The following PAWR variants were observed in gnomAD, a reference collection of about 807,000 sequenced individuals.
The protein encoded by PAWR is pro-apoptotic WT1 regulator, also known as PRKC apoptosis WT1 regulator protein.
Under a neutral mutation model 32.0 loss-of-function variants are expected in PAWR, and 23 were observed. That is an observed-to-expected ratio of 0.72 (90% CI 0.52 to 1.02). The LOEUF (loss-of-function observed/expected upper bound fraction) is 1.02, where lower values mean the gene tolerates loss of function less well. Ranked by LOEUF, PAWR falls within the 50% of genes least tolerant of loss-of-function variation. The pLI is 0.00. For synonymous variants in PAWR, 226 were observed against 187.1 expected, an observed-to-expected ratio of 1.21 and a Z score of -1.70; for missense variants, 457 against 437.7, an observed-to-expected ratio of 1.04 and a Z score of -0.39.
At chr12:79,675,537 T>C (rs1878122181) in intron 2 of PAWR, among the ~76,000 whole-genome samples, 1 of 152,096 alleles carries the variant, frequency 6.6e-6, no homozygotes, top group Non-Finnish European at 1.5e-5. Flanking sequence ...ATAAACACCA[T>C]GGAATCCTAC....
chr12:79,620,624 A>AG (rs2136714740), intron 3 of PAWR, among the ~76,000 whole-genome samples: 1 of 152,334 alleles, frequency 6.6e-6, no homozygotes, highest in South Asian at 2.1e-4. Context: ...AGGGTGGCTC[A>AG]GAAAAGGGTG....
intron 3 of PAWR, among the ~76,000 whole-genome samples, chr12:79,616,604 C>T (rs1467652218): frequency 1.3e-5 from 2 of 152,120 alleles, no homozygotes; most frequent in Non-Finnish European, 2.9e-5. Context: ...TAATTTCACA[C>T]TTTGACCCAA....
At chr12:79,679,811 A>G (rs1878353131) in intron 2 of PAWR, among the ~76,000 whole-genome samples, 1 of 152,214 alleles carries the variant, frequency 6.6e-6, no homozygotes, top group South Asian at 2.1e-4. Flanking sequence ...TTCCAGCTCA[A>G]AACATCCAGT....
At chr12:79,656,185 A>G (rs10862007) in intron 2 of PAWR, among the ~76,000 whole-genome samples, 29,956 of 152,162 alleles carry the variant, frequency 0.2, 7,815 homozygotes, top group African/African-American at 0.6. Context: ...AAACCACCTT[A>G]AATATATTTT....
intron 2 of PAWR, among the ~76,000 whole-genome samples, chr12:79,679,161 A>G (rs2136876135): frequency 6.6e-6 from 1 of 152,310 alleles, no homozygotes; most frequent in African/African-American, 2.4e-5. Context: ...TCCCTGAAAG[A>G]TTAGAAGTTC....
intron 2 of PAWR, among the ~76,000 whole-genome samples, chr12:79,683,659 A>T (rs536150760): frequency 6.6e-6 from 1 of 151,466 alleles, no homozygotes; most frequent in African/African-American, 2.4e-5. Context: ...TAGATGACAG[A>T]GCTTTGCAGA....
At chr12:79,642,614 T>C (rs1483648790) in intron 2 of PAWR, among the ~76,000 whole-genome samples, 1 of 152,104 alleles carries the variant, frequency 6.6e-6, no homozygotes, top group Non-Finnish European at 1.5e-5. Context: ...CTCCCCCTCC[T>C]AGTAAGAACA....
chr12:79,630,452 A>AC (rs1200091917), intron 2 of PAWR, among the ~76,000 whole-genome samples: 2 of 152,048 alleles, frequency 1.3e-5, no homozygotes, highest in Admixed American at 1.3e-4. Flanking sequence ...GGTGAGCACC[A>AC]CTGCACTTGG....
In PAWR at chr12:79,639,982, G is replaced by A. The variant is rs73343693; in HGVS notation, c.517-18775C>T. ...TGCAGTGGCATGATCTCATCTAAGCGCAACCACCACCTCCTGGGTTCAAGT... is the reference window on the plus strand; with the variant it reads ...TGCAGTGGCATGATCTCATCTAAGCACAACCACCACCTCCTGGGTTCAAGT... On this transcript the variant is annotated intron_variant, in intron 2 of 6. Transcript: ENST00000328827. 9.7e-3 allele frequency among the ~76,000 whole-genome samples: 1,449 copies of A among 149,820 alleles called. 35 individuals are homozygous for A. The highest frequency in any genetic ancestry group is 0.034 in the African/African-American group (1,360 of 39,578).
intron 5 of PAWR, 21 bp from the exon 6 acceptor site, chr12:79,594,454 C>T (rs1242751771): frequency 8.8e-7 from 1 of 1,131,850 alleles, no homozygotes; most frequent in Non-Finnish European, 1.3e-6. Flanking sequence ...CAATTAAAAA[C>T]CAGTAATTAG....
chr12:79,585,449 A>G lies in PAWR; in HGVS notation c.*7158T>C. On this transcript the variant is annotated 3_prime_UTR_variant, in exon 7 of 7. Coordinates refer to ENST00000328827, the MANE Select transcript of PAWR (RefSeq NM_002583.4). ...TTAAGAACCACTGGCAAAACATTTA[A>G]TAAGACAATTCCATGATAAAAGTAT... 1 of 191,566 alleles carries G rather than the reference A, an allele frequency of 5.2e-6. No homozygotes were observed. The highest frequency in any genetic ancestry group is 9.2e-5 in the South Asian group (1 of 10,898). 11.9% of individuals were successfully genotyped at this position (191,566 alleles called of 1,614,324 possible).
At chr12:79,684,810 A>G (rs1406243401) in intron 2 of PAWR, among the ~76,000 whole-genome samples, 1 of 152,220 alleles carries the variant, frequency 6.6e-6, no homozygotes. Flanking sequence ...ATATACTAAC[A>G]ATTTAACACT....
chr12:79,644,212 G>A (rs977726058), intron 2 of PAWR, among the ~76,000 whole-genome samples: 1 of 151,992 alleles, frequency 6.6e-6, no homozygotes, highest in Admixed American at 6.6e-5. Context: ...TCTCATTTCA[G>A]GAGGACAGAA....
intron 2 of PAWR, among the ~76,000 whole-genome samples, chr12:79,671,045 G>A (rs922230538): frequency 1.3e-4 from 20 of 149,366 alleles, no homozygotes; most frequent in African/African-American, 4.7e-4. Flanking sequence ...TCCCAGCTAC[G>A]CTGGAGGCTG....
intron 2 of PAWR, among the ~76,000 whole-genome samples, chr12:79,667,036 G>T (rs1877641652): frequency 6.6e-6 from 1 of 152,164 alleles, no homozygotes; most frequent in South Asian, 2.1e-4. Context: ...TGCCTTTCTG[G>T]ATGGAACCAA....
At chr12:79,600,026 G>T (rs190665997) in intron 4 of PAWR, among the ~76,000 whole-genome samples, 124 of 152,194 alleles carry the variant, frequency 8.1e-4, no homozygotes, top group Admixed American at 2.6e-3. Flanking sequence ...ATTAAATTTT[G>T]ATCATTTTAT....
At chr12:79,626,518 C>T (rs1423582201) in intron 2 of PAWR, among the ~76,000 whole-genome samples, 1 of 151,440 alleles carries the variant, frequency 6.6e-6, no homozygotes, top group Non-Finnish European at 1.5e-5. Flanking sequence ...CACGGCCTCC[C>T]AAAGTGCTGG....
At chr12:79,682,925 C>T (rs992787638) in intron 2 of PAWR, among the ~76,000 whole-genome samples, 3 of 152,184 alleles carry the variant, frequency 2.0e-5, no homozygotes, top group East Asian at 1.9e-4. Context: ...AAACACAATG[C>T]TTTAAAAGTT....
chr12:79,626,686 C>A (rs1875343897), intron 2 of PAWR, among the ~76,000 whole-genome samples: 1 of 151,656 alleles, frequency 6.6e-6, no homozygotes, highest in South Asian at 2.1e-4. Flanking sequence ...GTGTGCTGCA[C>A]CCATTAACTC....
Sources: gnomAD v4.1 joint callset for allele counts (sites outside exome capture counted in the v4.1 genomes callset) on GRCh38, gnomAD v4.1.1 for gene constraint, MANE v1.5 for transcripts, NCBI Gene and HGNC (gene_info 2026-07-23, HGNC 2026-07-21) for gene names.